The following RNF14 variants were observed in gnomAD, a reference collection of about 807,000 sequenced individuals.
The protein encoded by RNF14 is E3 ubiquitin-protein ligase RNF14.
RNF14 carries 26 observed loss-of-function variants against 52.6 expected under a neutral mutation model. The observed-to-expected ratio is 0.49, with a 90% confidence interval of 0.36 to 0.69. The LOEUF (loss-of-function observed/expected upper bound fraction) is 0.69, where lower values mean the gene tolerates loss of function less well. Ranked by LOEUF, RNF14 falls within the 30% of genes least tolerant of loss-of-function variation. RNF14 has a pLI of 0.00. For synonymous variants in RNF14, 194 were observed against 202.0 expected (o/e 0.96, Z 0.34); for missense variants, 404 against 560.4 (o/e 0.72, Z 2.82).
upstream of RNF14, chr5:141,955,038 C>G: frequency 1.9e-6 from 3 of 1,614,266 alleles, no homozygotes; most frequent in Non-Finnish European, 2.5e-6. This position sits in a 1 kb window ranked among gnomAD's most constrained non-coding sequence, Gnocchi z 5.5. Flanking sequence ...CAGCCACAGA[C>G]AGCCGGACCA....
chr5:141,973,564 C>A lies in RNF14; in HGVS notation c.-6-19C>A. 1.3e-6 allele frequency: 2 copies of A among 1,598,826 alleles called. No homozygotes were observed. Among genetic ancestry groups the A allele is most frequent in the Non-Finnish European group, 8.5e-7 (1 of 1,173,852 alleles). ...GCCTCTGTGCATTTTCTGTTCTTAA[C>A]TGATTTTAATGTTTTCAGGTCCTTA... On this transcript the variant is annotated intron_variant, in intron 2 of 8. Coordinates refer to ENST00000394520, the MANE Select transcript of RNF14 (RefSeq NM_004290.5).
At position 141,987,815 on chromosome 5, in the gene RNF14, G is replaced by A. The variant is rs1289248475; in HGVS notation, c.*25G>A. On this transcript the variant is annotated 3_prime_UTR_variant, in exon 9 of 9. Coordinates refer to ENST00000394520, the MANE Select transcript of RNF14 (RefSeq NM_004290.5). ...GTTAACTACTGCTCAAGATATGGAAGTGGATTGTTTTTCCCTAATCTTCCG... is the reference window on the plus strand; with the variant it reads ...GTTAACTACTGCTCAAGATATGGAAATGGATTGTTTTTCCCTAATCTTCCG... 1 of 1,608,508 alleles carries A rather than the reference G, an allele frequency of 6.2e-7. No homozygotes were observed. Among genetic ancestry groups the A allele is most frequent in the Non-Finnish European group, 8.5e-7 (1 of 1,176,298 alleles).
chr5:141,985,085 C>A, intron 8 of RNF14, 152 bp downstream of exon 8: 1 of 732,526 alleles, frequency 1.4e-6, no homozygotes, highest in Non-Finnish European at 2.2e-6. Context: ...ATTATTTTCT[C>A]AAAAATGAGT....
intron 8 of RNF14, among the ~76,000 whole-genome samples, chr5:141,985,645 TC>T (rs2127058385): frequency 6.6e-6 from 1 of 152,250 alleles, no homozygotes; most frequent in South Asian, 2.1e-4. Flanking sequence ...AAGCTCCGCC[TC>T]CCGGGTTCAT....
In RNF14 at chr5:141,988,963, A is replaced by C. The variant is rs2127074289; in HGVS notation, c.*1173A>C. The C allele has an allele frequency of 6.6e-6, 1 of 152,324 alleles. No individual in the cohort carries two copies. Among genetic ancestry groups the C allele is most frequent in the African/African-American group, 2.4e-5 (1 of 41,504 alleles). The allele number at this position is 152,324 out of a possible 1,614,324, so 9.4% of individuals were successfully genotyped here. Reference sequence around the variant, plus strand: ...ATTGTCTTTCCTTATCATTGGTGGGAGGCTTGGTAGCAAAGTAACATTTTT... The same window carrying C: ...ATTGTCTTTCCTTATCATTGGTGGGCGGCTTGGTAGCAAAGTAACATTTTT... On this transcript the variant is annotated 3_prime_UTR_variant, in exon 9 of 9. Transcript: ENST00000394520.
intron 4 of RNF14, 130 bp downstream of exon 4, chr5:141,975,085 CCCTTG>C (rs1253825351): frequency 6.2e-6 from 6 of 964,050 alleles, no homozygotes; most frequent in Non-Finnish European, 6.2e-6. Context: ...TAATTTTTTT[CCCTTG>C]CCTTGGTGAA....
upstream of RNF14, chr5:141,955,881 G>A (rs1438265215): frequency 9.9e-6 from 16 of 1,614,158 alleles, no homozygotes; most frequent in Admixed American, 3.3e-5. The surrounding 1 kb of genome is among the most constrained non-coding windows in gnomAD (Gnocchi z 5.5). Context: ...TGACATTGAC[G>A]AACAGCTGCC....
chr5:141,956,698 T>C, upstream of RNF14: 1 of 1,614,240 alleles, frequency 6.2e-7, no homozygotes, highest in Non-Finnish European at 8.5e-7. Context: ...CAAACCATTG[T>C]GTCCTGAATC....
intron 1 of RNF14, among the ~76,000 whole-genome samples, chr5:141,961,205 GGTGT>G (rs140523691): frequency 6.6e-6 from 1 of 150,948 alleles, no homozygotes; most frequent in Non-Finnish European, 1.5e-5. Context: ...ATATCTGTTG[GGTGT>G]GTGTGTGTGT....
upstream of RNF14, among the ~76,000 whole-genome samples, chr5:141,967,813 G>A (rs552705903): frequency 6.6e-6 from 1 of 152,184 alleles, no homozygotes; most frequent in Non-Finnish European, 1.5e-5. Context: ...ACGGTGCTTT[G>A]TACCTAAAAA....
chr5:141,955,532 C>T (rs1753164349), upstream of RNF14: 1 of 1,614,086 alleles, frequency 6.2e-7, no homozygotes, highest in Admixed American at 1.7e-5. This position sits in a 1 kb window ranked among gnomAD's most constrained non-coding sequence, Gnocchi z 5.5. Context: ...AGGTGGATGT[C>T]TGCCTTCTGA....
At chr5:141,986,460 A>G (rs370864510) in intron 8 of RNF14, among the ~76,000 whole-genome samples, 4 of 152,354 alleles carry the variant, frequency 2.6e-5, no homozygotes, top group Non-Finnish European at 2.9e-5. Context: ...ATGTAGTAGT[A>G]ATAATAGTGT....
At chr5:141,951,663 C>T in the RNF14 span, 4 of 1,070,854 alleles carry the variant, frequency 3.7e-6, no homozygotes, top group African/African-American at 1.6e-5. Context: ...ATGTTTCCCT[C>T]AATGCCGGTG....
intron 6 of RNF14, among the ~76,000 whole-genome samples, chr5:141,980,748 G>A (rs1038582257): frequency 1.3e-5 from 2 of 152,186 alleles, no homozygotes; most frequent in Admixed American, 1.3e-4. Flanking sequence ...GAAAAACCGT[G>A]CAGATACCAG....
chr5:141,957,992 G>T, upstream of RNF14: 1 of 958,068 alleles, frequency 1.0e-6, no homozygotes, highest in South Asian at 1.7e-5. This position sits in a 1 kb window ranked among gnomAD's most constrained non-coding sequence, Gnocchi z 4.3. Context: ...CCCATAGTTA[G>T]ATGATTATGA....
In RNF14 at chr5:141,974,892, A is replaced by G; in HGVS notation, c.243A>G (p.Pro81=). Residue 81 remains proline, a synonymous_variant, in exon 4 of 9, where the codon CCA becomes CCG. Coordinates refer to ENST00000394520, the MANE Select transcript of RNF14 (RefSeq NM_004290.5). ...TTGTGCTGAACTTTGAACTGCCACCAGATTATCCATCCTCTTCCCCACCTT... is the reference window on the plus strand; with the variant it reads ...TTGTGCTGAACTTTGAACTGCCACCGGATTATCCATCCTCTTCCCCACCTT... ...PPLVLNFELP[P]DYPSSSPPSF... 1 of 1,614,144 alleles carries G rather than the reference A, an allele frequency of 6.2e-7. No homozygotes were observed. Among genetic ancestry groups the G allele is most frequent in the African/African-American group, 1.3e-5 (1 of 75,066 alleles).
upstream of RNF14, among the ~76,000 whole-genome samples, chr5:141,963,986 C>T (rs1402716626): frequency 6.6e-6 from 1 of 152,168 alleles, no homozygotes; most frequent in Non-Finnish European, 1.5e-5. Context: ...GCCATGTTAC[C>T]TTGGGGTTAC....
At chr5:141,984,774 T>C (rs1300812534) in intron 7 of RNF14, 29 bp from the exon 8 acceptor site, 2 of 1,611,208 alleles carry the variant, frequency 1.2e-6, no homozygotes, top group South Asian at 1.1e-5. Context: ...ACAGCCTTGA[T>C]ATTTTTCTCT....
chr5:141,983,647 A>C, intron 7 of RNF14, 95 bp downstream of exon 7: 1 of 1,048,792 alleles, frequency 9.5e-7, no homozygotes, highest in Non-Finnish European at 1.4e-6. Context: ...TGACTTACAA[A>C]ACACATGCTG....
Sources: gnomAD v4.1 joint callset for allele counts (sites outside exome capture counted in the v4.1 genomes callset) on GRCh38, gnomAD v4.1.1 for gene constraint, Gnocchi (gnomAD v3.1) non-coding constraint, MANE v1.5 for transcripts, NCBI Gene and HGNC (gene_info 2026-07-23, HGNC 2026-07-21) for gene names.